Variants in DGCR2 observed in about 807,000 individuals in gnomAD.
The protein encoded by DGCR2 is integral membrane protein DGCR2/IDD.
In DGCR2, 24 loss-of-function variants were observed where a neutral mutation model predicts 51.6. That is an observed-to-expected ratio of 0.47 (90% CI 0.34 to 0.65). The LOEUF is 0.65. DGCR2 is among the 30% of genes least tolerant of loss of function. The probability of loss-of-function intolerance (pLI) is 0.01; values close to 1 mark genes in which losing one functional copy is unlikely to be tolerated. For synonymous variants in DGCR2, 340 were observed against 315.4 expected (o/e 1.08, Z -0.82); for missense variants, 765 against 772.1 (o/e 0.99, Z 0.11).
chr22:19,060,582 T>G (rs957397981), intron 5 of DGCR2: 1 of 189,850 alleles, frequency 5.3e-6, no homozygotes, highest in South Asian at 7.9e-5. Context: ...GAAGCTACAC[T>G]GCTGGTGCTG....
intron 1 of DGCR2, among the ~76,000 whole-genome samples, chr22:19,116,451 C>T (rs1189631690): frequency 6.6e-6 from 1 of 152,200 alleles, no homozygotes; most frequent in Non-Finnish European, 1.5e-5. Flanking sequence ...ACAGGTGTTA[C>T]ACAGCTATCA....
chr22:19,116,068 G>C (rs1048641035), intron 1 of DGCR2, among the ~76,000 whole-genome samples: 8 of 152,230 alleles, frequency 5.3e-5, no homozygotes, highest in Non-Finnish European at 1.2e-4. Flanking sequence ...TTCCAAATGA[G>C]GAAACTGAAG....
intron 2 of DGCR2, among the ~76,000 whole-genome samples, chr22:19,073,035 T>C (rs895915180): frequency 3.3e-5 from 5 of 152,034 alleles, no homozygotes; most frequent in Admixed American, 1.3e-4. Context: ...GGCAGGAGGA[T>C]TGCTTGAGGC....
chr22:19,119,726 ACT>A (rs1234261996), intron 1 of DGCR2, among the ~76,000 whole-genome samples: 2 of 125,014 alleles, frequency 1.6e-5, no homozygotes, highest in Non-Finnish European at 3.2e-5. Flanking sequence ...ACAGAGCAGG[ACT>A]CTGTCTCAAA....
chr22:19,100,559 G>T, intron 1 of DGCR2, among the ~76,000 whole-genome samples: 1 of 151,860 alleles, frequency 6.6e-6, no homozygotes, highest in East Asian at 1.9e-4. Flanking sequence ...CCAGCTACTC[G>T]GGAGGCTGAG....
At position 19,086,679 on chromosome 22, in the gene DGCR2, C is replaced by G. The variant is rs376567573; in HGVS notation, c.202+2689G>C. Among the ~76,000 whole-genome samples, 7 of 152,206 alleles carry G rather than the reference C, an allele frequency of 4.6e-5. No homozygotes were observed. In the South Asian group the frequency reaches 1.5e-3, roughly 32 times the overall value. Reference sequence around the variant, plus strand: ...ACACGGGTCCTCATTGTCATGCCTTCACTGCTCAGCCCTGGTGCAGGCCAC... The same window carrying G: ...ACACGGGTCCTCATTGTCATGCCTTGACTGCTCAGCCCTGGTGCAGGCCAC... On this transcript the variant is annotated intron_variant, in intron 2 of 9. Coordinates refer to ENST00000263196, the MANE Select transcript of DGCR2 (RefSeq NM_005137.3).
chr22:19,116,653 C>T (rs138061452), intron 1 of DGCR2, among the ~76,000 whole-genome samples: 1 of 152,262 alleles, frequency 6.6e-6, no homozygotes, highest in African/African-American at 2.4e-5. Flanking sequence ...AAGGAAAAGA[C>T]ATCTAATCAG....
chr22:19,118,568 A>G (rs933767405), intron 1 of DGCR2, among the ~76,000 whole-genome samples: 2 of 152,032 alleles, frequency 1.3e-5, no homozygotes, highest in Non-Finnish European at 2.9e-5. Context: ...GTGTGACCTT[A>G]GACAAGTCAC....
intron 2 of DGCR2, among the ~76,000 whole-genome samples, chr22:19,068,673 G>A (rs1420764353): frequency 6.6e-6 from 1 of 152,192 alleles, no homozygotes; most frequent in Admixed American, 6.5e-5. Context: ...TTCCTCTGCA[G>A]CCCTTGTCCT....
intron 4 of DGCR2, 38 bp downstream of exon 4, chr22:19,064,810 C>A: frequency 6.3e-7 from 1 of 1,583,778 alleles, no homozygotes; most frequent in Non-Finnish European, 8.7e-7. Flanking sequence ...TCATCAGACT[C>A]TGACTCCAGC....
intron 5 of DGCR2, chr22:19,061,306 AT>A (rs936957835): frequency 3.9e-5 from 6 of 153,216 alleles, no homozygotes; most frequent in African/African-American, 1.2e-4. Flanking sequence ...TGGTACAGGA[AT>A]TTTTAAAACG....
intron 7 of DGCR2, among the ~76,000 whole-genome samples, chr22:19,044,602 G>C (rs1368980798): frequency 1.3e-5 from 2 of 152,186 alleles, no homozygotes; most frequent in East Asian, 3.9e-4. Flanking sequence ...AGCAAGCAGG[G>C]GCAGAGGGCG....
Position 19,062,779 on chromosome 22 carries a change from A to ACTCGCTCACTCTCTCTCT in DGCR2, c.625+422_625+423insAGAGAGAGAGTGAGCGAG, listed in dbSNP as rs2082688729. 3.1e-5 allele frequency among the ~76,000 whole-genome samples: 4 copies of ACTCGCTCACTCTCTCTCT among 127,352 alleles called. 1 individual carries two copies. In the South Asian group the frequency reaches 1.1e-3, roughly 37 times the overall value. 83.5% of individuals were successfully genotyped at this position (127,352 alleles called of 152,430 possible). A position where few individuals can be genotyped will look rare whatever the true frequency, so the allele number is the denominator to read the frequency against. On this transcript the variant is annotated intron_variant, in intron 5 of 9. Transcript: ENST00000263196. ...TGCGCACACACACACATGCATGCTC[A>ACTCGCTCACTCTCTCTCT]CTCTCTCTCTCTCTCTCTCTCTCTC...
At chr22:19,121,742 G>A (rs898026961) in intron 1 of DGCR2, 5 of 161,920 alleles carry the variant, frequency 3.1e-5, no homozygotes, top group African/African-American at 1.2e-4. Context: ...GAGTTTCCAG[G>A]ACTGAGAGGC....
intron 6 of DGCR2, among the ~76,000 whole-genome samples, chr22:19,049,162 G>A (rs969833159): frequency 6.6e-6 from 1 of 152,252 alleles, no homozygotes; most frequent in Non-Finnish European, 1.5e-5. Flanking sequence ...GATTACTTAT[G>A]AGATTTTCTC....
intron 2 of DGCR2, among the ~76,000 whole-genome samples, chr22:19,074,164 G>A (rs1328131053): frequency 5.3e-5 from 8 of 152,134 alleles, no homozygotes; most frequent in African/African-American, 1.7e-4. Flanking sequence ...GGTGGCTCAC[G>A]TCTGTAATCC....
Position 19,062,816 on chromosome 22 carries a change from G to A in DGCR2, c.625+386C>T, listed in dbSNP as rs1481106714. Among the ~76,000 whole-genome samples the A allele has an allele frequency of 6.7e-5, 8 of 119,886 alleles. 1 individual carries two copies. The highest frequency in any genetic ancestry group is 1.6e-4 in the Non-Finnish European group (8 of 51,500). The allele number at this position is 119,886 out of a possible 152,430, so 78.6% of individuals were successfully genotyped here. On this transcript the variant is annotated intron_variant, in intron 5 of 9. Transcript: ENST00000263196. ...TCTCTCTCTCTCTCTCTATCTGCCTGATAGTTTCCTTCAGGTCTGGATTCT... is the reference window on the plus strand; with the variant it reads ...TCTCTCTCTCTCTCTCTATCTGCCTAATAGTTTCCTTCAGGTCTGGATTCT...
At chr22:19,062,775 G>GCTCTCTCTCTCTCTCCT (rs1491258740) in intron 5 of DGCR2, among the ~76,000 whole-genome samples, 1 of 108,860 alleles carries the variant, frequency 9.2e-6, no homozygotes, top group African/African-American at 3.6e-5. Context: ...ACACATGCAT[G>GCTCTCTCTCTCTCTCCT]CTCACTCTCT....
intron 1 of DGCR2, 43 bp downstream of exon 1, chr22:19,122,081 CCCCG>C: frequency 7.2e-7 from 1 of 1,397,056 alleles, no homozygotes; most frequent in Non-Finnish European, 9.4e-7. Context: ...GCGACCCCGG[CCCCG>C]CTCGCCGCCC....
Sources: gnomAD v4.1 joint callset for allele counts (sites outside exome capture counted in the v4.1 genomes callset) on GRCh38, gnomAD v4.1.1 for gene constraint, MANE v1.5 for transcripts, NCBI Gene and HGNC (gene_info 2026-07-23, HGNC 2026-07-21) for gene names.